FOXP2: variants seen among roughly 807,000 people sequenced by gnomAD.
The protein encoded by FOXP2 is forkhead box P2.
Under a neutral mutation model 115.8 loss-of-function variants are expected in FOXP2, and 12 were observed. That is an observed-to-expected ratio of 0.10 (90% confidence interval 0.07 to 0.17). The LOEUF is 0.17. Ranked by LOEUF, FOXP2 falls within the 10% of genes least tolerant of loss-of-function variation. The probability of loss-of-function intolerance (pLI) is 1.00; values close to 1 mark genes in which losing one functional copy is unlikely to be tolerated. For synonymous variants in FOXP2, 328 were observed against 297.7 expected (o/e 1.10, Z -1.05); for missense variants, 629 against 843.5 (o/e 0.75, Z 3.15).
rs566758329 is a variant in FOXP2, at chr7:114,547,140, G to A, written c.258+12434G>A. 3.3e-5 allele frequency among the ~76,000 whole-genome samples: 5 copies of A among 152,266 alleles called. No individual in the cohort carries two copies. In the South Asian group the frequency reaches 6.2e-4, roughly 19 times the overall value. ...TCATATTACTACTTTGTCTGCTTCCGTTAGGCAGGCTCTTTATGAAATACT... is the reference window on the plus strand; with the variant it reads ...TCATATTACTACTTTGTCTGCTTCCATTAGGCAGGCTCTTTATGAAATACT... On this transcript the variant is annotated intron_variant, in intron 3 of 16. Transcript: ENST00000350908.
intron 1 of FOXP2, among the ~76,000 whole-genome samples, chr7:114,189,457 A>T (rs576467550): frequency 1.3e-4 from 20 of 152,256 alleles, no homozygotes; most frequent in African/African-American, 4.8e-4. Flanking sequence ...TCCCATAAAG[A>T]TATACTCTCC....
intron 6 of FOXP2, among the ~76,000 whole-genome samples, chr7:114,633,837 G>A (rs961712744): frequency 1.3e-5 from 2 of 152,098 alleles, no homozygotes; most frequent in African/African-American, 4.8e-5. Flanking sequence ...CTTAGTTAGA[G>A]GTTAAGGTAA....
At chr7:114,516,049 G>GA (rs1195674873) in intron 2 of FOXP2, among the ~76,000 whole-genome samples, 3 of 152,000 alleles carry the variant, frequency 2.0e-5, no homozygotes, top group African/African-American at 4.8e-5. Context: ...CACAGAATTG[G>GA]AAAAAACTAC....
chr7:114,190,190 G>A (rs1480033063), intron 1 of FOXP2, among the ~76,000 whole-genome samples: 2 of 152,278 alleles, frequency 1.3e-5, no homozygotes, highest in African/African-American at 2.4e-5. Flanking sequence ...TGGGCCAAGG[G>A]ATGCCTATAT....
intron 2 of FOXP2, among the ~76,000 whole-genome samples, chr7:114,519,889 T>TA (rs1562972720): frequency 6.6e-6 from 1 of 152,178 alleles, no homozygotes; most frequent in African/African-American, 2.4e-5. Context: ...TCCGTCTTTT[T>TA]ATAAGCATTC....
At chr7:114,530,100 A>G (rs1344072569) in intron 2 of FOXP2, among the ~76,000 whole-genome samples, 2 of 151,822 alleles carry the variant, frequency 1.3e-5, no homozygotes, top group African/African-American at 4.8e-5. Flanking sequence ...TGCAAAGTAT[A>G]CACCCCTTGT....
At chr7:114,467,571 A>T (rs188333820) in intron 2 of FOXP2, among the ~76,000 whole-genome samples, 1 of 152,262 alleles carries the variant, frequency 6.6e-6, no homozygotes, top group Admixed American at 6.5e-5. Context: ...TTAATCTCTC[A>T]CTTATACCTC....
chr7:114,192,286 C>T (rs1221563236), intron 1 of FOXP2, among the ~76,000 whole-genome samples: 1 of 152,092 alleles, frequency 6.6e-6, no homozygotes, highest in East Asian at 1.9e-4. Flanking sequence ...CGCCCGGCCT[C>T]TCCTTGTCTT....
chr7:114,690,710 T>C lies in FOXP2; in HGVS notation c.*784T>C. On this transcript the variant is annotated 3_prime_UTR_variant, in exon 17 of 17. Transcript: ENST00000350908. ...TCTTTACCTCCTTGTGATAAAGCTT[T>C]GTCTACCTGCAAACACAGTCAAAGG... 2.2e-6 allele frequency: 1 copy of C among 454,512 alleles called. No individual in the cohort carries two copies. Among genetic ancestry groups the C allele is most frequent in the Non-Finnish European group, 4.4e-6 (1 of 226,774 alleles). 28.2% of individuals were successfully genotyped at this position (454,512 alleles called of 1,614,324 possible).
At chr7:114,397,747 A>T (rs1488451014) in intron 2 of FOXP2, among the ~76,000 whole-genome samples, 6 of 152,144 alleles carry the variant, frequency 3.9e-5, no homozygotes, top group African/African-American at 1.4e-4. Context: ...ACTGCCATGG[A>T]GGGTTTTCAG....
At chr7:114,408,872 C>G (rs1793099903) in intron 2 of FOXP2, among the ~76,000 whole-genome samples, 1 of 151,972 alleles carries the variant, frequency 6.6e-6, no homozygotes, top group Non-Finnish European at 1.5e-5. Flanking sequence ...AGAAAGCAAA[C>G]CTTTATTTTT....
chr7:114,182,985 G>T (rs926537216), intron 1 of FOXP2, among the ~76,000 whole-genome samples: 3 of 152,082 alleles, frequency 2.0e-5, no homozygotes, highest in Non-Finnish European at 2.9e-5. Context: ...TGCAGGAAAG[G>T]CTGAAGGCTT....
intron 1 of FOXP2, among the ~76,000 whole-genome samples, chr7:114,278,302 A>G (rs533998878): frequency 1.2e-4 from 19 of 152,280 alleles, no homozygotes; most frequent in African/African-American, 4.3e-4. Context: ...TTATGTAAGA[A>G]AATTCAAACA....
At chr7:114,088,894 G>A (rs1460314088) in intron 1 of FOXP2, among the ~76,000 whole-genome samples, 2 of 152,046 alleles carry the variant, frequency 1.3e-5, no homozygotes, top group East Asian at 1.9e-4. Flanking sequence ...AACTGTGATC[G>A]TTAGGGTCAT....
rs182126562 is a variant in FOXP2, at chr7:114,539,551, C to T, written c.258+4845C>T. On this transcript the variant is annotated intron_variant, in intron 3 of 16. Transcript: ENST00000350908. ...GAACAGGAGGTCTAATACATTATTT[C>T]TTGATCATAAAAAAAAAGAATTTAA... Among the ~76,000 whole-genome samples the T allele has an allele frequency of 2.6e-4, 39 of 151,682 alleles. No homozygotes were observed. The East Asian group carries it at 6.4e-3, about 25-fold the overall frequency.
At position 114,441,765 on chromosome 7, in the gene FOXP2, C is replaced by T. The variant is rs552193758; in HGVS notation, c.168+15086C>T. 1.2e-3 allele frequency among the ~76,000 whole-genome samples: 180 copies of T among 152,258 alleles called. 1 individual carries two copies. The highest frequency in any genetic ancestry group is 4.1e-3 in the African/African-American group (171 of 41,560). On this transcript the variant is annotated intron_variant, in intron 2 of 16. Transcript: ENST00000350908. ...GGCATGTAAATGAAAAACTGTTCCA[C>T]TTCATTAGTCATTAGGGACATGTAA...
intron 3 of FOXP2, among the ~76,000 whole-genome samples, chr7:114,544,164 C>CTT (rs1345443517): frequency 6.6e-6 from 1 of 152,024 alleles, no homozygotes; most frequent in Non-Finnish European, 1.5e-5. Context: ...CTCTAGCATG[C>CTT]TTTTTAAGGG....
At chr7:114,105,810 G>A (rs981161264) in intron 1 of FOXP2, among the ~76,000 whole-genome samples, 2 of 152,046 alleles carry the variant, frequency 1.3e-5, no homozygotes, top group African/African-American at 4.8e-5. Context: ...GAAAATAACA[G>A]AAATTATTAT....
At chr7:114,100,944 G>A (rs1790932889) in intron 1 of FOXP2, among the ~76,000 whole-genome samples, 1 of 152,112 alleles carries the variant, frequency 6.6e-6, no homozygotes, top group South Asian at 2.1e-4. Flanking sequence ...ACTGTGAAGG[G>A]TCTGAGATTT....
Sources: allele counts gnomAD v4.1 joint callset (sites outside exome capture counted in the v4.1 genomes callset), GRCh38; gene constraint gnomAD v4.1.1; transcripts MANE v1.5; gene names NCBI Gene and HGNC (gene_info 2026-07-23, HGNC 2026-07-21).